Variants in KYAT3 observed in about 807,000 individuals in gnomAD.
KYAT3 encodes kynurenine--oxoglutarate transaminase 3.
In KYAT3, 50 loss-of-function variants were observed where a neutral mutation model predicts 59.0. The observed-to-expected ratio is 0.85, with a 90% CI of 0.68 to 1.07. The LOEUF (loss-of-function observed/expected upper bound fraction) is 1.07, where lower values mean the gene tolerates loss of function less well. Ranked by LOEUF, KYAT3 falls within the 50% of genes least tolerant of loss-of-function variation. The pLI, the probability that KYAT3 is intolerant of heterozygous loss-of-function variation, is 0.00. For missense variants in KYAT3, 497 were observed against 533.3 expected, an observed-to-expected ratio of 0.93 and a Z score of 0.67; for synonymous variants, 148 against 177.0, an observed-to-expected ratio of 0.84 and a Z score of 1.30.
chr1:88,961,517 A>G lies in KYAT3; in HGVS notation c.541-11T>C. The G allele has an allele frequency of 1.2e-6, 2 of 1,603,898 alleles. No homozygotes were observed. Among genetic ancestry groups the G allele is most frequent in the Non-Finnish European group, 1.7e-6 (2 of 1,173,708 alleles). The stretch of plus-strand genomic sequence containing the variant: ...TCCATAAACAGGTTTCTAAGCATGA[A>G]GAATGAAGATATAATTTAATTCAAT... On this transcript the variant is annotated splice_polypyrimidine_tract_variant and intron_variant, in intron 6 of 13. Coordinates refer to ENST00000260508, the MANE Select transcript of KYAT3 (RefSeq NM_001008661.3).
intron 2 of KYAT3, among the ~76,000 whole-genome samples, chr1:88,987,037 G>C (rs1193242748): frequency 6.6e-6 from 1 of 152,174 alleles, no homozygotes; most frequent in Non-Finnish European, 1.5e-5. Context: ...GTATGGAGAG[G>C]GGTTAGTGCT....
At chr1:88,960,382 TA>T (rs142947583) in intron 8 of KYAT3, among the ~76,000 whole-genome samples, 43,274 of 151,920 alleles carry the variant, frequency 0.28, 7,520 homozygotes, top group Non-Finnish European at 0.38. Context: ...CAGAAGAGAC[TA>T]AAACAAACAA....
At chr1:88,965,139 A>T (rs987214888) in intron 4 of KYAT3, among the ~76,000 whole-genome samples, 161 bp from the exon 5 acceptor site, 1 of 152,188 alleles carries the variant, frequency 6.6e-6, no homozygotes, top group African/African-American at 2.4e-5. Flanking sequence ...ATTTTTTAAA[A>T]TTTCCTACAT....
At chr1:88,970,651 T>C (rs1012505836) in intron 2 of KYAT3, among the ~76,000 whole-genome samples, 1 of 152,230 alleles carries the variant, frequency 6.6e-6, no homozygotes, top group African/African-American at 2.4e-5. Context: ...AAATAGGAAT[T>C]AAAATTATCA....
At chr1:88,977,203 T>C (rs1233337092) in intron 2 of KYAT3, among the ~76,000 whole-genome samples, 4 of 151,824 alleles carry the variant, frequency 2.6e-5, no homozygotes, top group Non-Finnish European at 5.9e-5. Flanking sequence ...AAAAAAAAAT[T>C]GATTTTTATT....
At chr1:88,955,005 A>T (rs1675845777) in intron 9 of KYAT3, 144 bp downstream of exon 9, 1 of 565,016 alleles carries the variant, frequency 1.8e-6, no homozygotes, top group South Asian at 2.0e-5. Context: ...GCCTTAAGTG[A>T]TCCTCCTGCC....
In KYAT3 at chr1:88,961,411, T is replaced by C. The variant is rs1347602458; in HGVS notation, c.636A>G (p.Ile212Met). 1 of 1,613,970 alleles carries C rather than the reference T, an allele frequency of 6.2e-7. No individual in the cohort carries two copies. Among genetic ancestry groups the C allele is most frequent in the Non-Finnish European group, 8.5e-7 (1 of 1,179,892 alleles). The part of the protein sequence containing the change: ...SKFNSKTKAI[I>M]LNTPHNPLGK... Reference sequence around the variant, plus strand: ...CAAGTGGGTTATGTGGAGTATTTAGTATAATAGCTTTGGTTTTGGAATTAA... The same window carrying C: ...CAAGTGGGTTATGTGGAGTATTTAGCATAATAGCTTTGGTTTTGGAATTAA... The change falls in exon 7 of 14, where the codon ATA becomes ATG. Residue 212 changes from isoleucine (I) to methionine (M), a missense_variant. By Grantham distance (10) the Ile-to-Met change is conservative. This residue lies in a region of KYAT3 where 469 missense variants were observed against 479.1 expected (regional missense o/e 0.98). Coordinates refer to ENST00000260508, the MANE Select transcript of KYAT3 (RefSeq NM_001008661.3).
At chr1:88,924,438 C>T in the KYAT3 span, among the ~76,000 whole-genome samples, 1 of 152,074 alleles carries the variant, frequency 6.6e-6, no homozygotes, top group Non-Finnish European at 1.5e-5. Flanking sequence ...TGAGCCTTTC[C>T]TTAATAAACC....
chr1:88,948,442 A>C (rs1340825256), intron 11 of KYAT3, among the ~76,000 whole-genome samples: 1 of 152,200 alleles, frequency 6.6e-6, no homozygotes. Context: ...TTTGTATGGC[A>C]TGTCAGAATT....
At chr1:88,947,113 C>T (rs1258188604) in intron 11 of KYAT3, among the ~76,000 whole-genome samples, 1 of 152,184 alleles carries the variant, frequency 6.6e-6, no homozygotes, top group Non-Finnish European at 1.5e-5. Context: ...TGTGGTACAG[C>T]TAGATACAAC....
chr1:88,929,648 C>A, the KYAT3 span, among the ~76,000 whole-genome samples: 1 of 152,230 alleles, frequency 6.6e-6, no homozygotes, highest in Admixed American at 6.5e-5. Flanking sequence ...CTAAGCCACC[C>A]AAGCACTCTT....
At chr1:88,964,065 T>C (rs1676246896) in intron 5 of KYAT3, among the ~76,000 whole-genome samples, 1 of 152,142 alleles carries the variant, frequency 6.6e-6, no homozygotes, top group African/African-American at 2.4e-5. Flanking sequence ...TAGCTGGGCT[T>C]CGTGGCGGGC....
chr1:88,968,607 ACACAGACACACACCCCAG>A, intron 4 of KYAT3, 45 bp downstream of exon 4: 2 of 1,313,626 alleles, frequency 1.5e-6, no homozygotes, highest in South Asian at 3.3e-5. Flanking sequence ...ACATGCACAC[ACACAGACACACACCCCAG>A]TATAAAATAA....
chr1:88,933,305 G>C (rs144528815), downstream of KYAT3, among the ~76,000 whole-genome samples: 1 of 152,124 alleles, frequency 6.6e-6, no homozygotes. Flanking sequence ...GATGTAGTAA[G>C]TGCCTACAAG....
intron 8 of KYAT3, among the ~76,000 whole-genome samples, chr1:88,960,556 C>A (rs889488344): frequency 6.6e-6 from 1 of 151,884 alleles, no homozygotes; most frequent in Admixed American, 6.6e-5. Flanking sequence ...TGGACAAAGG[C>A]CTGAAGGAGG....
intron 4 of KYAT3, among the ~76,000 whole-genome samples, chr1:88,966,702 A>C (rs1444004001): frequency 6.6e-6 from 1 of 151,966 alleles, no homozygotes; most frequent in African/African-American, 2.4e-5. Flanking sequence ...TTTCTAATCT[A>C]TGTATCTTTA....
At chr1:88,948,187 T>C (rs963463440) in intron 11 of KYAT3, among the ~76,000 whole-genome samples, 1 of 152,178 alleles carries the variant, frequency 6.6e-6, no homozygotes, top group Non-Finnish European at 1.5e-5. Flanking sequence ...GATCAATGTT[T>C]TGCTATAAAA....
chr1:88,962,074 A>G lies in KYAT3; in HGVS notation c.525T>C (p.Phe175=). Residue 175 remains phenylalanine, a synonymous_variant, in exon 6 of 14, where the codon TTT becomes TTC. Transcript: ENST00000260508. ...MVRMAGATPV[F]IPLRSKPVYG... ...GCAAACTTACAGATCTCAGGGGAAT[A>G]AAAACAGGTGTTGCTCCAGCCATTC... 1 of 1,613,612 alleles carries G rather than the reference A, an allele frequency of 6.2e-7. No homozygotes were observed. Among genetic ancestry groups the G allele is most frequent in the Non-Finnish European group, 8.5e-7 (1 of 1,179,498 alleles).
rs559887785 is a variant in KYAT3, at chr1:88,984,023, C to T, written c.99+4229G>A. On this transcript the variant is annotated intron_variant, in intron 2 of 13. Transcript: ENST00000260508. ...TCCATTCAAAAAACCAGGAAAATTA[C>T]TTTCTTTTGCCACTAGATGGCAGAG... The T allele has an allele frequency of 7.9e-6, 5 of 630,088 alleles. No homozygotes were observed. The South Asian group carries it at 1.0e-4, about 13-fold the overall frequency. The allele number at this position is 630,088 out of a possible 1,614,324, so 39.0% of individuals were successfully genotyped here.
Sources: gnomAD v4.1 joint callset for allele counts (sites outside exome capture counted in the v4.1 genomes callset) on GRCh38, gnomAD v4.1.1 for gene constraint, gnomAD v4.1.1 regional missense constraint, MANE v1.5 for transcripts, NCBI Gene and HGNC (gene_info 2026-07-23, HGNC 2026-07-21) for gene names.